Variants in GPATCH2 observed in about 807,000 individuals in gnomAD.
GPATCH2 encodes the protein G patch domain-containing protein 2.
Under a neutral mutation model 58.0 loss-of-function variants are expected in GPATCH2, and 51 were observed. The observed-to-expected ratio is 0.88, with a 90% confidence interval of 0.70 to 1.11. GPATCH2 has a LOEUF of 1.11. GPATCH2 is among the 50% of genes most tolerant of loss of function. The pLI is 0.00. For missense variants in GPATCH2, 625 were observed against 652.2 expected (o/e 0.96, Z 0.45); for synonymous variants, 222 against 218.5 (o/e 1.02, Z -0.14).
intron 5 of GPATCH2, among the ~76,000 whole-genome samples, chr1:217,590,024 C>CTTT (rs771810707): frequency 5.1e-5 from 7 of 138,562 alleles, no homozygotes; most frequent in Admixed American, 2.2e-4. Context: ...TGTACAACGT[C>CTTT]TTTTTTTTTT....
intron 8 of GPATCH2, among the ~76,000 whole-genome samples, chr1:217,484,577 T>TATA (rs1553328485): frequency 2.7e-5 from 4 of 145,632 alleles, no homozygotes; most frequent in South Asian, 2.1e-4. Flanking sequence ...TATATATATA[T>TATA]GATGCACATA....
At chr1:217,515,005 T>G in intron 5 of GPATCH2, 116 bp from the exon 6 acceptor site, 3 of 654,380 alleles carry the variant, frequency 4.6e-6, no homozygotes, top group Non-Finnish European at 8.4e-6. Context: ...TACAAGATTT[T>G]CAAATCTCAG....
At chr1:217,478,299 T>C (rs1161105599) in intron 8 of GPATCH2, among the ~76,000 whole-genome samples, 2 of 151,920 alleles carry the variant, frequency 1.3e-5, no homozygotes, top group East Asian at 1.9e-4. Flanking sequence ...CCCCACCACA[T>C]GAACTAAATA....
chr1:217,434,287 G>A (rs1480736163), intron 9 of GPATCH2, among the ~76,000 whole-genome samples: 2 of 152,180 alleles, frequency 1.3e-5, no homozygotes, highest in East Asian at 3.8e-4. Flanking sequence ...GTGTGTGACA[G>A]TGAAAAATGG....
chr1:217,438,301 T>C (rs1362544566), intron 9 of GPATCH2, among the ~76,000 whole-genome samples: 1 of 151,234 alleles, frequency 6.6e-6, no homozygotes, highest in Non-Finnish European at 1.5e-5. Context: ...AGGCAGAAAA[T>C]TCCAAAAACC....
chr1:217,470,874 A>G (rs370041124), intron 8 of GPATCH2, among the ~76,000 whole-genome samples: 17 of 152,224 alleles, frequency 1.1e-4, no homozygotes, highest in East Asian at 3.9e-4. Context: ...TATAGAAAGT[A>G]TACATTCTAA....
At chr1:217,439,003 G>C (rs1658995269) in intron 9 of GPATCH2, among the ~76,000 whole-genome samples, 1 of 152,206 alleles carries the variant, frequency 6.6e-6, no homozygotes, top group Non-Finnish European at 1.5e-5. Context: ...TTTGAACTCA[G>C]CTCTGGTCCA....
At chr1:217,477,446 T>G (rs1395197097) in intron 8 of GPATCH2, among the ~76,000 whole-genome samples, 1 of 152,036 alleles carries the variant, frequency 6.6e-6, no homozygotes, top group Non-Finnish European at 1.5e-5. Context: ...AGAACTTGGT[T>G]CCTGTATGGC....
At chr1:217,469,461 T>C (rs1660622021) in intron 8 of GPATCH2, among the ~76,000 whole-genome samples, 1 of 152,064 alleles carries the variant, frequency 6.6e-6, no homozygotes, top group Admixed American at 6.5e-5. Flanking sequence ...TGAAAAACAA[T>C]TTGAAAAACA....
At chr1:217,454,210 C>G (rs1210185946) in intron 8 of GPATCH2, among the ~76,000 whole-genome samples, 1 of 151,992 alleles carries the variant, frequency 6.6e-6, no homozygotes, top group Non-Finnish European at 1.5e-5. Context: ...GCTTTTTTTC[C>G]TTTAGTACCC....
chr1:217,532,429 T>G (rs1664236515), intron 5 of GPATCH2, among the ~76,000 whole-genome samples: 1 of 152,150 alleles, frequency 6.6e-6, no homozygotes, highest in East Asian at 1.9e-4. Flanking sequence ...TCTGGTTCAT[T>G]GACTCAACAA....
Position 217,486,666 on chromosome 1 carries a change from T to G in GPATCH2, c.1277+5014A>C, listed in dbSNP as rs1661467275. On this transcript the variant is annotated intron_variant, in intron 8 of 9. Transcript: ENST00000366935. The stretch of plus-strand genomic sequence containing the variant: ...CGTCTTGTCTTAGCCTATGAGTTCA[T>G]CTTCCTCTGAGAATATTGGCTAGTC... 3.3e-5 allele frequency among the ~76,000 whole-genome samples: 5 copies of G among 152,198 alleles called. No individual in the cohort carries two copies. The South Asian group carries it at 1.0e-3, about 32-fold the overall frequency.
At chr1:217,453,782 G>A (rs571802258) in intron 8 of GPATCH2, among the ~76,000 whole-genome samples, 10 of 152,264 alleles carry the variant, frequency 6.6e-5, no homozygotes, top group African/African-American at 2.2e-4. Flanking sequence ...AGTGTCAGAC[G>A]CAATAATAGT....
Position 217,471,604 on chromosome 1 carries a change from C to T in GPATCH2, c.1277+20076G>A, listed in dbSNP as rs149818058. ...GTGATCTGTATCATATAAAAACAAA[C>T]GTGTTCTGTATTAATGTAAATAGGA... On this transcript the variant is annotated intron_variant, in intron 8 of 9. Transcript: ENST00000366935. Among the ~76,000 whole-genome samples the T allele has an allele frequency of 4.3e-3, 656 of 152,230 alleles. 7 individuals carry two copies. The highest frequency in any genetic ancestry group is 0.015 in the African/African-American group (620 of 41,542).
intron 5 of GPATCH2, among the ~76,000 whole-genome samples, chr1:217,592,742 A>G (rs10863330): frequency 0.23 from 34,244 of 151,838 alleles, 4,491 homozygotes; most frequent in East Asian, 0.52. Context: ...GAGGTTAATA[A>G]GAAGATATTT....
intron 9 of GPATCH2, among the ~76,000 whole-genome samples, chr1:217,448,854 G>A (rs1394604589): frequency 6.6e-6 from 1 of 152,144 alleles, no homozygotes; most frequent in East Asian, 1.9e-4. Context: ...ACCACATGGG[G>A]TCTTGTGTTT....
intron 5 of GPATCH2, among the ~76,000 whole-genome samples, chr1:217,596,446 T>C (rs1276001071): frequency 1.3e-5 from 2 of 152,206 alleles, no homozygotes; most frequent in Non-Finnish European, 2.9e-5. Context: ...CTCAGTTTCC[T>C]GGTCTATAAG....
chr1:217,572,584 T>C (rs1026800323), intron 5 of GPATCH2, among the ~76,000 whole-genome samples: 1 of 152,204 alleles, frequency 6.6e-6, no homozygotes, highest in Admixed American at 6.5e-5. Context: ...AGAATCTTAT[T>C]AAAGACTAGC....
chr1:217,491,507 AAT>A (rs1225027027), intron 8 of GPATCH2, 171 bp downstream of exon 8: 2 of 321,070 alleles, frequency 6.2e-6, no homozygotes, highest in Non-Finnish European at 1.1e-5. Flanking sequence ...ATATAAATAA[AAT>A]ATCTTTTTAT....
Sources: allele counts gnomAD v4.1 joint callset (sites outside exome capture counted in the v4.1 genomes callset), GRCh38; gene constraint gnomAD v4.1.1; transcripts MANE v1.5; gene names NCBI Gene and HGNC (gene_info 2026-07-23, HGNC 2026-07-21).